Variants in GPHN observed in about 807,000 individuals in gnomAD.
The protein encoded by GPHN is gephyrin.
A neutral mutation model predicts 95.5 loss-of-function variants in GPHN; 17 were observed. The ratio of observed to expected loss-of-function variants is 0.18; its 90% CI spans 0.12 to 0.27. The LOEUF is 0.27. Among genes scored for constraint, GPHN ranks in the 10% least tolerant of loss-of-function variants. GPHN has a pLI of 1.00. For missense variants in GPHN, 660 were observed against 978.1 expected (o/e 0.67, Z 4.34); for synonymous variants, 320 against 322.5 (o/e 0.99, Z 0.08).
At chr14:67,099,592 A>C (rs1326533893) in intron 12 of GPHN, among the ~76,000 whole-genome samples, 2 of 152,034 alleles carry the variant, frequency 1.3e-5, no homozygotes, top group African/African-American at 4.8e-5. Context: ...AACTGAGATA[A>C]TATCTGTAAA....
chr14:66,979,171 G>A (rs1212603618), intron 9 of GPHN, among the ~76,000 whole-genome samples: 2 of 152,036 alleles, frequency 1.3e-5, no homozygotes, highest in Non-Finnish European at 2.9e-5. Flanking sequence ...ACTAATCATC[G>A]GCTTCCACTT....
the GPHN span, among the ~76,000 whole-genome samples, chr14:67,304,817 A>AAC: frequency 0.15 from 23,476 of 152,142 alleles, 3,398 homozygotes; most frequent in East Asian, 0.41. Context: ...TTAAAAATGA[A>AAC]ACTTTAAAGT....
At chr14:67,471,958 T>A in the GPHN span, 1 of 151,970 alleles carries the variant, frequency 6.6e-6, no homozygotes, top group Non-Finnish European at 1.5e-5. Flanking sequence ...CCTTGAGGAG[T>A]GAGAGTCAGA....
At chr14:66,739,574 G>A (rs911366020) in intron 2 of GPHN, among the ~76,000 whole-genome samples, 2 of 147,342 alleles carry the variant, frequency 1.4e-5, no homozygotes, top group African/African-American at 5.1e-5. Context: ...AACACTTTAA[G>A]TGTATGAATT....
chr14:66,671,151 G>A (rs1327169177), intron 1 of GPHN, among the ~76,000 whole-genome samples: 1 of 152,046 alleles, frequency 6.6e-6, no homozygotes. Flanking sequence ...ATTGTTATTG[G>A]CACATACTAA....
At chr14:66,551,384 G>T in intron 1 of GPHN, among the ~76,000 whole-genome samples, 1 of 152,116 alleles carries the variant, frequency 6.6e-6, no homozygotes, top group Non-Finnish European at 1.5e-5. Flanking sequence ...TTCTTCCTCT[G>T]TGTGGTCTTA....
the GPHN span, among the ~76,000 whole-genome samples, chr14:67,715,845 T>C: frequency 6.6e-6 from 1 of 152,216 alleles, no homozygotes; most frequent in Non-Finnish European, 1.5e-5. Context: ...CTTGGTTCCA[T>C]GTGCTGGGGG....
intron 3 of GPHN, among the ~76,000 whole-genome samples, chr14:66,809,358 A>AAATAATAATAATAATAATAAT (rs540241852): frequency 6.6e-6 from 1 of 151,680 alleles, no homozygotes; most frequent in African/African-American, 2.4e-5. Context: ...GAGTTTTCCT[A>AAATAATAATAATAATAATAAT]AATAATAATA....
intron 9 of GPHN, among the ~76,000 whole-genome samples, chr14:66,994,681 A>T (rs1169302073): frequency 2.9e-4 from 44 of 152,262 alleles, no homozygotes; most frequent in Admixed American, 2.9e-3. Context: ...ATGGGCATAG[A>T]TATAGACACA....
chr14:67,055,602 C>T (rs1001713035), intron 10 of GPHN, among the ~76,000 whole-genome samples: 8 of 152,154 alleles, frequency 5.3e-5, no homozygotes, highest in South Asian at 2.1e-4. Flanking sequence ...TACATGCATG[C>T]GTATGCTCAT....
intron 10 of GPHN, among the ~76,000 whole-genome samples, chr14:67,031,602 G>A (rs895458500): frequency 3.3e-5 from 5 of 151,798 alleles, no homozygotes; most frequent in African/African-American, 7.3e-5. Context: ...CTAGGTTCTC[G>A]AAATTTAAAA....
intron 11 of GPHN, among the ~76,000 whole-genome samples, chr14:67,070,329 T>TTA (rs953937472): frequency 6.7e-4 from 74 of 110,888 alleles, no homozygotes; most frequent in South Asian, 1.4e-3. Flanking sequence ...TTAAATATTT[T>TTA]TATATATATA....
intron 8 of GPHN, among the ~76,000 whole-genome samples, chr14:66,964,951 A>G (rs527305984): frequency 1.3e-5 from 2 of 152,320 alleles, no homozygotes; most frequent in African/African-American, 2.4e-5. Flanking sequence ...ATTCCTAACC[A>G]CAATACTATA....
At chr14:67,332,071 G>A in the GPHN span, among the ~76,000 whole-genome samples, 1 of 152,184 alleles carries the variant, frequency 6.6e-6, no homozygotes, top group Non-Finnish European at 1.5e-5. Flanking sequence ...GTATTGATGT[G>A]TGACTTTTAT....
intron 1 of GPHN, among the ~76,000 whole-genome samples, chr14:66,585,614 A>C (rs1316158973): frequency 6.6e-6 from 1 of 152,116 alleles, no homozygotes; most frequent in Non-Finnish European, 1.5e-5. Flanking sequence ...GTTTCAAAGA[A>C]CATCTTTATT....
At chr14:67,693,651 CTT>C in the GPHN span, among the ~76,000 whole-genome samples, 16 of 142,198 alleles carry the variant, frequency 1.1e-4, no homozygotes, top group Non-Finnish European at 9.3e-5. Context: ...TTCTCTTTCT[CTT>C]TTTTTTTTTT....
At chr14:67,634,430 CAAAAAAA>C in the GPHN span, among the ~76,000 whole-genome samples, 504 of 114,480 alleles carry the variant, frequency 4.4e-3, 4 homozygotes, top group African/African-American at 0.016. Flanking sequence ...CTATCTCTAC[CAAAAAAA>C]AAAAAAAAAA....
intron 4 of GPHN, among the ~76,000 whole-genome samples, chr14:66,836,252 T>C (rs1225880678): frequency 7.5e-6 from 1 of 133,896 alleles, no homozygotes; most frequent in Admixed American, 7.4e-5. Context: ...GAGATATAGA[T>C]CAATGGAACA....
At chr14:67,658,840 C>T in the GPHN span, among the ~76,000 whole-genome samples, 1 of 152,156 alleles carries the variant, frequency 6.6e-6, no homozygotes, top group Non-Finnish European at 1.5e-5. Context: ...CTAGTTTTGG[C>T]ATCAGCAATG....
Sources: allele counts gnomAD v4.1 joint callset (sites outside exome capture counted in the v4.1 genomes callset), GRCh38; gene constraint gnomAD v4.1.1; transcripts MANE v1.5; gene names NCBI Gene and HGNC (gene_info 2026-07-23, HGNC 2026-07-21).